The following HS6ST3 variants were observed in gnomAD, a reference collection of about 807,000 sequenced individuals.
HS6ST3 encodes heparan sulfate 6-O-sulfotransferase 3, also known as heparan-sulfate 6-O-sulfotransferase 3.
HS6ST3 carries 12 observed loss-of-function variants against 36.7 expected under a neutral mutation model. The observed-to-expected ratio is 0.33, with a 90% CI of 0.21 to 0.53. HS6ST3 has a LOEUF of 0.53. HS6ST3 is among the 20% of genes least tolerant of loss of function. HS6ST3 has a pLI of 0.95. For missense variants in HS6ST3, 584 were observed against 640.9 expected (o/e 0.91, Z 0.96); for synonymous variants, 240 against 257.5 (o/e 0.93, Z 0.65).
At chr13:96,153,568 A>G (rs568815001) in intron 1 of HS6ST3, among the ~76,000 whole-genome samples, 5 of 152,280 alleles carry the variant, frequency 3.3e-5, no homozygotes, top group South Asian at 2.1e-4. Flanking sequence ...CGTTGGATCA[A>G]TTTCCAGGAC....
chr13:96,225,395 G>C (rs1223057336), intron 1 of HS6ST3, among the ~76,000 whole-genome samples: 1 of 152,190 alleles, frequency 6.6e-6, no homozygotes, highest in Non-Finnish European at 1.5e-5. Flanking sequence ...GGAAACATCA[G>C]ACTTTAATAT....
intron 1 of HS6ST3, among the ~76,000 whole-genome samples, chr13:96,243,674 CTTTTA>C (rs201661514): frequency 0.012 from 1,836 of 152,138 alleles, 43 homozygotes; most frequent in African/African-American, 0.042. Context: ...GTCACAACAG[CTTTTA>C]TTTTAAGTAT....
At chr13:96,502,664 G>A (rs1447196346) in intron 1 of HS6ST3, among the ~76,000 whole-genome samples, 1 of 152,116 alleles carries the variant, frequency 6.6e-6, no homozygotes, top group Non-Finnish European at 1.5e-5. Context: ...TTATGTAGGT[G>A]GCTGTATGCA....
At chr13:96,227,235 T>C (rs1013765884) in intron 1 of HS6ST3, among the ~76,000 whole-genome samples, 2 of 152,208 alleles carry the variant, frequency 1.3e-5, no homozygotes, top group South Asian at 4.1e-4. Context: ...CCATTTTTGC[T>C]CTAAAAATAG....
chr13:96,204,974 A>G (rs2054362254), intron 1 of HS6ST3, among the ~76,000 whole-genome samples: 1 of 152,190 alleles, frequency 6.6e-6, no homozygotes, highest in Non-Finnish European at 1.5e-5. Flanking sequence ...AAAAGACAAG[A>G]TATAACCAAA....
At chr13:96,640,385 T>C (rs941436615) in intron 1 of HS6ST3, among the ~76,000 whole-genome samples, 2 of 152,032 alleles carry the variant, frequency 1.3e-5, no homozygotes, top group Middle Eastern at 3.2e-3. Context: ...TGTTTGCTCA[T>C]GTCTTTTGTC....
intron 1 of HS6ST3, among the ~76,000 whole-genome samples, chr13:96,822,046 A>G (rs1878545850): frequency 6.6e-6 from 1 of 152,192 alleles, no homozygotes; most frequent in Non-Finnish European, 1.5e-5. Context: ...TAATTCTCAC[A>G]TTCCCTAAAA....
chr13:96,815,091 G>C (rs1878392961), intron 1 of HS6ST3, among the ~76,000 whole-genome samples: 1 of 152,126 alleles, frequency 6.6e-6, no homozygotes. Flanking sequence ...TAACTGGGTG[G>C]CTTCAACAGC....
rs138599384 is a variant in HS6ST3 at position 96,212,230 on chromosome 13, C to T, written c.707+120661C>T. On this transcript the variant is annotated intron_variant, in intron 1 of 1. Coordinates refer to ENST00000376705, the MANE Select transcript of HS6ST3 (RefSeq NM_153456.4). ...TGCCTGGGTTTTTTAGTTTTAGCCACGCACACAAGAAAACATGAAGGCGTT... is the reference window on the plus strand; with the variant it reads ...TGCCTGGGTTTTTTAGTTTTAGCCATGCACACAAGAAAACATGAAGGCGTT... Among the ~76,000 whole-genome samples, 164 of 152,254 alleles carry T rather than the reference C, an allele frequency of 1.1e-3. 1 individual carries two copies. Among genetic ancestry groups the T allele is most frequent in the African/African-American group, 3.7e-3 (152 of 41,552 alleles).
At chr13:96,518,660 T>C (rs1220879393) in intron 1 of HS6ST3, among the ~76,000 whole-genome samples, 1 of 152,200 alleles carries the variant, frequency 6.6e-6, no homozygotes, top group African/African-American at 2.4e-5. Flanking sequence ...TATATTTTTA[T>C]AGATTCAAAG....
At chr13:96,376,829 G>T (rs534887552) in intron 1 of HS6ST3, among the ~76,000 whole-genome samples, 335 of 152,002 alleles carry the variant, frequency 2.2e-3, no homozygotes, top group Non-Finnish European at 4.0e-3. Flanking sequence ...TCTTTTAAAA[G>T]TTAAGGGTGG....
intron 1 of HS6ST3, among the ~76,000 whole-genome samples, chr13:96,742,277 A>G (rs922416886): frequency 2.0e-5 from 3 of 152,144 alleles, no homozygotes; most frequent in African/African-American, 4.8e-5. Flanking sequence ...ATAAAAGCAG[A>G]AAAAATAGGA....
intron 1 of HS6ST3, among the ~76,000 whole-genome samples, chr13:96,349,300 T>C (rs1374620067): frequency 6.6e-6 from 1 of 152,216 alleles, no homozygotes; most frequent in Non-Finnish European, 1.5e-5. Flanking sequence ...CAAGAGTTTC[T>C]TTTCTGCAGT....
intron 1 of HS6ST3, among the ~76,000 whole-genome samples, chr13:96,210,888 C>G (rs766618910): frequency 6.6e-6 from 1 of 151,762 alleles, no homozygotes; most frequent in Admixed American, 6.6e-5. Flanking sequence ...GTCCCCACAC[C>G]CAGCCAGTGT....
chr13:96,783,203 T>C (rs761792589), intron 1 of HS6ST3, among the ~76,000 whole-genome samples: 1 of 152,174 alleles, frequency 6.6e-6, no homozygotes, highest in East Asian at 1.9e-4. Context: ...TAAGGATGTA[T>C]GTTAGGGCCA....
At chr13:96,798,662 G>A (rs1033822761) in intron 1 of HS6ST3, among the ~76,000 whole-genome samples, 13 of 152,066 alleles carry the variant, frequency 8.5e-5, no homozygotes, top group Non-Finnish European at 1.2e-4. Context: ...TATAAAATAA[G>A]GATAATAATG....
intron 1 of HS6ST3, among the ~76,000 whole-genome samples, chr13:96,356,529 T>C (rs2055211057): frequency 6.6e-6 from 1 of 152,152 alleles, no homozygotes; most frequent in Non-Finnish European, 1.5e-5. Flanking sequence ...AGCTCTTCGG[T>C]GGACTAGGTG....
intron 1 of HS6ST3, among the ~76,000 whole-genome samples, chr13:96,436,264 C>T (rs561007835): frequency 6.6e-6 from 1 of 152,282 alleles, no homozygotes; most frequent in South Asian, 2.1e-4. Flanking sequence ...ATTGCCTGGT[C>T]TAAATTTGTA....
At chr13:96,138,074 T>A (rs1213234259) in intron 1 of HS6ST3, among the ~76,000 whole-genome samples, 2 of 152,158 alleles carry the variant, frequency 1.3e-5, no homozygotes. Context: ...TAGGGTAAAG[T>A]TGAATGCCCT....
Sources: allele counts gnomAD v4.1 joint callset (sites outside exome capture counted in the v4.1 genomes callset), GRCh38; gene constraint gnomAD v4.1.1; transcripts MANE v1.5; gene names NCBI Gene and HGNC (gene_info 2026-07-23, HGNC 2026-07-21).